GALC: variants seen among roughly 807,000 people sequenced by gnomAD.
The protein encoded by GALC is galactocerebrosidase.
Under a neutral mutation model 91.8 loss-of-function variants are expected in GALC, and 77 were observed. The ratio of observed to expected loss-of-function variants is 0.84; its 90% CI spans 0.70 to 1.01. The LOEUF is 1.01. Among genes scored for constraint, GALC ranks in the 50% least tolerant of loss-of-function variants. GALC has a pLI of 0.00. For synonymous variants in GALC, 357 were observed against 306.7 expected (o/e 1.16, Z -1.71); for missense variants, 882 against 855.9 (o/e 1.03, Z -0.38).
At chr14:87,972,633 A>G (rs1041302608) in intron 7 of GALC, among the ~76,000 whole-genome samples, 1 of 152,188 alleles carries the variant, frequency 6.6e-6, no homozygotes, top group Non-Finnish European at 1.5e-5. Flanking sequence ...TTATAGAAGA[A>G]TTATTTTCAA....
intron 13 of GALC, 28 bp downstream of exon 13, chr14:87,947,700 A>G: frequency 6.2e-7 from 1 of 1,602,770 alleles, no homozygotes; most frequent in Non-Finnish European, 8.5e-7. Flanking sequence ...TATAGAGACC[A>G]AGTTAAGTTT....
intron 6 of GALC, among the ~76,000 whole-genome samples, chr14:87,978,411 T>C (rs1321126274): frequency 6.6e-6 from 1 of 152,200 alleles, no homozygotes; most frequent in Non-Finnish European, 1.5e-5. Flanking sequence ...TCACTACGGA[T>C]GGATCTAGTC....
chr14:87,978,425 C>G (rs1409876063), intron 6 of GALC, among the ~76,000 whole-genome samples: 3 of 152,150 alleles, frequency 2.0e-5, no homozygotes, highest in Non-Finnish European at 2.9e-5. Flanking sequence ...TCTAGTCTTT[C>G]TAGTCCTAGT....
chr14:87,988,387 T>C, intron 2 of GALC, 68 bp downstream of exon 2: 1 of 1,284,260 alleles, frequency 7.8e-7, no homozygotes, highest in South Asian at 1.2e-5. Context: ...TAATAAATTC[T>C]ATGGTGAAAT....
At chr14:87,974,194 T>C (rs564171282) in intron 7 of GALC, among the ~76,000 whole-genome samples, 6 of 151,712 alleles carry the variant, frequency 4.0e-5, no homozygotes, top group African/African-American at 1.4e-4. Flanking sequence ...TCTAACTCTA[T>C]GCTATATGCA....
chr14:87,941,578 A>AT lies in GALC; in HGVS notation c.1671-21dup. On this transcript the variant is annotated intron_variant, in intron 14 of 16. Coordinates refer to ENST00000261304, the MANE Select transcript of GALC (RefSeq NM_000153.4). ...TTGGTCCTGCAAAATAAAACGGTTG[A>AT]TTAGTACTCTTTAAAATATGCCCTT... The AT allele has an allele frequency of 6.9e-7, 1 of 1,459,542 alleles. No individual in the cohort carries two copies. Among genetic ancestry groups the AT allele is most frequent in the Non-Finnish European group, 9.6e-7 (1 of 1,039,112 alleles). The allele number at this position is 1,459,542 out of a possible 1,614,324, so 90.4% of individuals were successfully genotyped here. A position where few individuals can be genotyped will look rare whatever the true frequency, so the allele number is the denominator to read the frequency against.
In GALC at chr14:87,940,107, T is replaced by C. The variant is rs768303826; in HGVS notation, c.1835-126A>G. The stretch of plus-strand genomic sequence containing the variant: ...AAGTCAGCCTCAACAGAGAGCTATG[T>C]CCCTTCATTCCCAGATCTACAACTG... On this transcript the variant is annotated intron_variant, in intron 15 of 16. Coordinates refer to ENST00000261304, the MANE Select transcript of GALC (RefSeq NM_000153.4). The C allele has an allele frequency of 4.1e-4, 316 of 774,050 alleles. 1 individual carries two copies. The highest frequency in any genetic ancestry group is 6.9e-4 in the Non-Finnish European group (300 of 436,332). The allele number at this position is 774,050 out of a possible 1,614,324, so 47.9% of individuals were successfully genotyped here.
In GALC at chr14:87,954,352, AGTTAT is replaced by A. The variant is rs1044841399; in HGVS notation, c.1162-3609_1162-3605del. 51 of 1,601,994 alleles carry A rather than the reference AGTTAT, an allele frequency of 3.2e-5. No individual in the cohort carries two copies. In the Admixed American group the frequency reaches 6.8e-4, roughly 22 times the overall value. Reference sequence around the variant, plus strand: ...AGTTATAGAGGACAGAAGCAGAAAAAGTTATGTTAACAGTGGAACAGGCCCAAGAT... The same window carrying A: ...AGTTATAGAGGACAGAAGCAGAAAAAGTTAACAGTGGAACAGGCCCAAGAT... On this transcript the variant is annotated intron_variant, in intron 10 of 16. Transcript: ENST00000261304.
intron 13 of GALC, 36 bp downstream of exon 13, chr14:87,947,692 T>A: frequency 5.0e-6 from 8 of 1,593,522 alleles, no homozygotes; most frequent in Non-Finnish European, 6.9e-6. Context: ...CTGTTAAATA[T>A]AGAGACCAAG....
intron 7 of GALC, among the ~76,000 whole-genome samples, chr14:87,972,836 A>G (rs1886351714): frequency 6.6e-6 from 1 of 152,154 alleles, no homozygotes; most frequent in Non-Finnish European, 1.5e-5. Flanking sequence ...TGGTGCTTCT[A>G]AAAAGAAAAC....
At chr14:87,968,635 G>T (rs1318483023) in intron 7 of GALC, 145 bp from the exon 8 acceptor site, 1 of 781,518 alleles carries the variant, frequency 1.3e-6, no homozygotes. Flanking sequence ...GGTAGATAAT[G>T]AATCTAAGCA....
rs199585731 is a variant in GALC at position 87,949,882 on chromosome 14, G to C, written c.1301C>G (p.Ser434Cys). The C allele has an allele frequency of 4.4e-6, 7 of 1,599,500 alleles. No homozygotes were observed. In the South Asian group the frequency reaches 5.5e-5, roughly 13 times the overall value. ...QVWYTKLGKT[S>C]ERFLFKQLDS... ...CAGCTGCTTAAAAAGAAATCTTTCG[G>C]ATGTTTTTCCAAGTTTGGTATACCA... The change falls in exon 12 of 17, where the codon TCC becomes TGC. Residue 434 changes from serine (S) to cysteine (C), a missense_variant. Coordinates refer to ENST00000261304, the MANE Select transcript of GALC (RefSeq NM_000153.4).
chr14:87,941,644 C>T (rs764417158), intron 14 of GALC, 86 bp from the exon 15 acceptor site: 10 of 950,984 alleles, frequency 1.1e-5, no homozygotes, highest in Non-Finnish European at 1.7e-5. Context: ...GCACATGCTT[C>T]CAAACTTCTA....
At chr14:87,993,295 G>A, upstream of GALC, 1 of 1,538,280 alleles carries the variant, frequency 6.5e-7, no homozygotes, top group Non-Finnish European at 8.7e-7. Flanking sequence ...CTCTGACGCA[G>A]CTGGCGGAGT....
At chr14:87,987,976 A>G (rs1887043236) in intron 3 of GALC, 168 bp downstream of exon 3, 5 of 618,838 alleles carry the variant, frequency 8.1e-6, no homozygotes, top group Non-Finnish European at 1.4e-5. Flanking sequence ...CATATTCTAT[A>G]TAATATTTTT....
chr14:87,985,084 T>C (rs570504199), intron 4 of GALC, among the ~76,000 whole-genome samples: 11 of 152,316 alleles, frequency 7.2e-5, no homozygotes, highest in Admixed American at 5.2e-4. Flanking sequence ...AATGACTCCA[T>C]AGAGAAATAT....
intron 7 of GALC, among the ~76,000 whole-genome samples, chr14:87,975,669 A>G (rs1004337708): frequency 4.6e-4 from 70 of 152,108 alleles, no homozygotes; most frequent in African/African-American, 1.7e-3. Flanking sequence ...TTTTGTGTAC[A>G]TTCAAAATTC....
At position 87,968,043 on chromosome 14, in the gene GALC, C is replaced by G. The variant is rs1486027924; in HGVS notation, c.908+292G>C. On this transcript the variant is annotated intron_variant, in intron 8 of 16. Coordinates refer to ENST00000261304, the MANE Select transcript of GALC (RefSeq NM_000153.4). Reference sequence around the variant, plus strand: ...AAAGTGTCCTTACATATACTATTTACTTTATAATTATTAAAAATACAAGTA... The same window carrying G: ...AAAGTGTCCTTACATATACTATTTAGTTTATAATTATTAAAAATACAAGTA... 2.0e-5 allele frequency among the ~76,000 whole-genome samples: 3 copies of G among 152,080 alleles called. No individual in the cohort carries two copies. The East Asian group carries it at 5.8e-4, about 29-fold the overall frequency.
intron 10 of GALC, chr14:87,953,388 A>G: frequency 2.1e-6 from 3 of 1,434,352 alleles, no homozygotes; most frequent in Non-Finnish European, 2.9e-6. Flanking sequence ...TTACAGAAGC[A>G]TATGAAAGTG....
Sources: allele counts gnomAD v4.1 joint callset (sites outside exome capture counted in the v4.1 genomes callset), GRCh38; gene constraint gnomAD v4.1.1; transcripts MANE v1.5; gene names NCBI Gene and HGNC (gene_info 2026-07-23, HGNC 2026-07-21).